The following AGBL1 variants were observed in gnomAD, a reference collection of about 807,000 sequenced individuals.
The protein encoded by AGBL1 is AGBL carboxypeptidase 1.
Under a neutral mutation model 118.9 loss-of-function variants are expected in AGBL1, and 130 were observed. The ratio of observed to expected loss-of-function variants is 1.09; its 90% CI spans 0.95 to 1.26. The LOEUF (loss-of-function observed/expected upper bound fraction) is 1.26. AGBL1 is among the 50% of genes most tolerant of loss of function. The probability of loss-of-function intolerance (pLI) is 0.00; values close to 1 mark genes in which losing one functional copy is unlikely to be tolerated. For synonymous variants in AGBL1, 555 were observed against 478.9 expected, an observed-to-expected ratio of 1.16 and a Z score of -2.08; for missense variants, 1,584 against 1,298.1, an observed-to-expected ratio of 1.22 and a Z score of -3.38.
chr15:86,488,453 T>A (rs2082738116), intron 18 of AGBL1, among the ~76,000 whole-genome samples: 2 of 151,898 alleles, frequency 1.3e-5, no homozygotes, highest in Non-Finnish European at 2.9e-5. Context: ...GGGAGATAGA[T>A]CAGTTAGAGT....
At chr15:86,620,416 ATGAT>A (rs1420800638) in intron 21 of AGBL1, among the ~76,000 whole-genome samples, 1 of 152,190 alleles carries the variant, frequency 6.6e-6, no homozygotes, top group East Asian at 1.9e-4. Context: ...GACTTTGTGA[ATGAT>A]CCTTTGTGGA....
intron 22 of AGBL1, among the ~76,000 whole-genome samples, chr15:86,772,529 G>C (rs1319378269): frequency 2.6e-5 from 4 of 152,042 alleles, no homozygotes; most frequent in African/African-American, 9.7e-5. Context: ...TAAATCATCT[G>C]TTCCTTGGTG....
At chr15:86,699,434 T>C (rs1035826833) in intron 22 of AGBL1, among the ~76,000 whole-genome samples, 2 of 152,050 alleles carry the variant, frequency 1.3e-5, no homozygotes, top group African/African-American at 2.4e-5. Context: ...TTTATAGCAA[T>C]AGGGGACAAA....
At chr15:86,749,534 C>A (rs1298025198) in intron 22 of AGBL1, among the ~76,000 whole-genome samples, 2 of 152,106 alleles carry the variant, frequency 1.3e-5, no homozygotes, top group Non-Finnish European at 2.9e-5. Flanking sequence ...CTGGCCAGAA[C>A]TTCCAACACT....
chr15:86,795,138 C>T (rs1405540746), intron 22 of AGBL1, among the ~76,000 whole-genome samples: 4 of 152,172 alleles, frequency 2.6e-5, no homozygotes, highest in African/African-American at 4.8e-5. Flanking sequence ...GGCTACAAGG[C>T]CCAGCCCTGG....
chr15:86,298,101 G>T (rs897543528), intron 17 of AGBL1, among the ~76,000 whole-genome samples: 2 of 151,476 alleles, frequency 1.3e-5, no homozygotes, highest in African/African-American at 4.8e-5. Flanking sequence ...AAGGGAGAAA[G>T]AAAATTCTTT....
intron 22 of AGBL1, among the ~76,000 whole-genome samples, chr15:86,731,260 C>T (rs2077524047): frequency 6.6e-6 from 1 of 152,124 alleles, no homozygotes. Flanking sequence ...CATTGACCAT[C>T]CTAGAAAGAA....
chr15:86,405,483 G>A (rs1385737612), intron 18 of AGBL1, among the ~76,000 whole-genome samples: 1 of 151,766 alleles, frequency 6.6e-6, no homozygotes, highest in Admixed American at 6.6e-5. Flanking sequence ...CACCAGCCTG[G>A]GCAACAGAGT....
rs939959050 is a variant in AGBL1 at position 86,170,506 on chromosome 15, A to C, written c.488+11480A>C. On this transcript the variant is annotated intron_variant, in intron 5 of 22. Coordinates refer to ENST00000614907, the MANE Select transcript of AGBL1 (RefSeq NM_001386094.1). ...GATAGGGACACAGGAAACCATGTGCATAAGAAACATGAAAAAAACGACTTC... is the reference window on the plus strand; with the variant it reads ...GATAGGGACACAGGAAACCATGTGCCTAAGAAACATGAAAAAAACGACTTC... 2.0e-5 allele frequency among the ~76,000 whole-genome samples: 3 copies of C among 152,292 alleles called. No individual in the cohort carries two copies. In the East Asian group the frequency reaches 5.8e-4, roughly 29 times the overall value.
intron 1 of AGBL1, among the ~76,000 whole-genome samples, chr15:86,128,347 A>G (rs372902556): frequency 1.8e-3 from 281 of 152,238 alleles, no homozygotes; most frequent in African/African-American, 6.7e-3. Context: ...AACCACCCCC[A>G]TGATTCAATG....
chr15:86,870,649 T>C (rs2141503064), intron 22 of AGBL1, among the ~76,000 whole-genome samples: 1 of 151,812 alleles, frequency 6.6e-6, no homozygotes, highest in Non-Finnish European at 1.5e-5. Context: ...AATAGATATA[T>C]GGAAAGCAAG....
intron 23 of AGBL1, among the ~76,000 whole-genome samples, chr15:86,980,198 A>C (rs2081216417): frequency 1.3e-5 from 2 of 152,146 alleles, no homozygotes; most frequent in Admixed American, 6.5e-5. Flanking sequence ...GAAGCCATTG[A>C]TTTTATCCAA....
intron 22 of AGBL1, among the ~76,000 whole-genome samples, chr15:86,815,445 G>A (rs907503715): frequency 2.6e-5 from 4 of 152,166 alleles, no homozygotes; most frequent in South Asian, 2.1e-4. Flanking sequence ...GGGTAAAAAC[G>A]TGTGTAAGAG....
intron 21 of AGBL1, among the ~76,000 whole-genome samples, chr15:86,584,474 T>C (rs1160954538): frequency 6.6e-6 from 1 of 152,172 alleles, no homozygotes; most frequent in Non-Finnish European, 1.5e-5. Flanking sequence ...TTTGTTGACT[T>C]TGTTGAAGAT....
chr15:86,675,677 C>T (rs551121903), intron 22 of AGBL1, among the ~76,000 whole-genome samples: 1 of 152,132 alleles, frequency 6.6e-6, no homozygotes, highest in African/African-American at 2.4e-5. Flanking sequence ...TGACAGCAAG[C>T]GCTTCCACCT....
chr15:86,197,303 C>T lies in AGBL1; in HGVS notation c.489-27611C>T, dbSNP rs1476540481. On this transcript the variant is annotated intron_variant, in intron 5 of 22. Coordinates refer to ENST00000614907, the MANE Select transcript of AGBL1 (RefSeq NM_001386094.1). The stretch of plus-strand genomic sequence containing the variant: ...GGACTGAAAAAGGAAAGAGGAGAGA[C>T]GCAGAGAAAGCCTCCACCTGCTTAC... Among the ~76,000 whole-genome samples the T allele has an allele frequency of 4.6e-5, 7 of 152,186 alleles. No homozygotes were observed. The South Asian group carries it at 8.3e-4, about 18-fold the overall frequency.
chr15:86,766,363 C>T (rs1284968864), intron 22 of AGBL1, among the ~76,000 whole-genome samples: 5 of 151,784 alleles, frequency 3.3e-5, no homozygotes, highest in African/African-American at 7.3e-5. Flanking sequence ...TGTTTCCTTC[C>T]GACCAGACAC....
rs147960618 is a variant in AGBL1, at chr15:86,871,335, A to G, written c.3159-35752A>G. 1.9e-3 allele frequency among the ~76,000 whole-genome samples: 293 copies of G among 152,304 alleles called. 1 individual carries two copies. The highest frequency in any genetic ancestry group is 6.7e-3 in the African/African-American group (280 of 41,576). On this transcript the variant is annotated intron_variant, in intron 22 of 22. Transcript: ENST00000614907. ...TTGACCTCAACCTGTCAACCTGACA[A>G]CTGTTTCAATAGGAAGCCCAGATAC...
At chr15:86,084,304 T>C (rs537995095) in intron 1 of AGBL1, among the ~76,000 whole-genome samples, 3 of 152,316 alleles carry the variant, frequency 2.0e-5, no homozygotes, top group East Asian at 3.9e-4. Context: ...CTTTCACAGC[T>C]TCTTACATTT....
Sources: allele counts gnomAD v4.1 joint callset (sites outside exome capture counted in the v4.1 genomes callset), GRCh38; gene constraint gnomAD v4.1.1; transcripts MANE v1.5; gene names NCBI Gene and HGNC (gene_info 2026-07-23, HGNC 2026-07-21).